The following TPD52 variants were observed in gnomAD, a reference collection of about 807,000 sequenced individuals.
The protein encoded by TPD52 is prostate and colon associated protein.
TPD52 carries 17 observed loss-of-function variants against 31.3 expected under a neutral mutation model. The observed-to-expected ratio is 0.54, with a 90% CI of 0.37 to 0.82. The LOEUF is 0.82. TPD52 is among the 40% of genes least tolerant of loss of function. The probability of loss-of-function intolerance (pLI) is 0.00; values close to 1 mark genes in which losing one functional copy is unlikely to be tolerated. For missense variants in TPD52, 212 were observed against 240.1 expected, an observed-to-expected ratio of 0.88 and a Z score of 0.77; for synonymous variants, 83 against 89.6, an observed-to-expected ratio of 0.93 and a Z score of 0.42.
At chr8:80,119,809 A>G in intron 1 of TPD52, 1 of 391,564 alleles carries the variant, frequency 2.6e-6, no homozygotes, top group South Asian at 1.9e-5. Flanking sequence ...GTATGAAAAT[A>G]CTTACATTTT....
At chr8:80,150,695 T>C (rs2131194642) in intron 1 of TPD52, among the ~76,000 whole-genome samples, 1 of 152,340 alleles carries the variant, frequency 6.6e-6, no homozygotes. Context: ...CGGACTTGCA[T>C]GGAGCCTGTA....
intron 1 of TPD52, among the ~76,000 whole-genome samples, chr8:80,092,875 G>C (rs1232312135): frequency 1.3e-5 from 2 of 151,710 alleles, no homozygotes; most frequent in Admixed American, 1.3e-4. Flanking sequence ...GAGCAGGGGT[G>C]GGGGTAGGAA....
intron 1 of TPD52, among the ~76,000 whole-genome samples, chr8:80,124,302 A>G (rs1431936160): frequency 6.6e-6 from 1 of 152,068 alleles, no homozygotes; most frequent in African/African-American, 2.4e-5. Context: ...AATAGCTGAG[A>G]CTACCAGTGC....
chr8:80,146,420 A>C (rs940541214), intron 1 of TPD52, among the ~76,000 whole-genome samples: 4 of 152,220 alleles, frequency 2.6e-5, no homozygotes, highest in Admixed American at 6.5e-5. Context: ...TCAGTTTATA[A>C]AGGGTCTAGT....
intron 1 of TPD52, among the ~76,000 whole-genome samples, chr8:80,092,980 A>G (rs1363582189): frequency 6.6e-6 from 1 of 152,176 alleles, no homozygotes; most frequent in East Asian, 1.9e-4. Flanking sequence ...AATTATATAC[A>G]TATATTTTGT....
At chr8:80,126,728 C>T (rs1362552856) in intron 1 of TPD52, among the ~76,000 whole-genome samples, 1 of 152,100 alleles carries the variant, frequency 6.6e-6, no homozygotes, top group Non-Finnish European at 1.5e-5. Flanking sequence ...AGTGATCCAC[C>T]CGCCTCAGCC....
At chr8:80,132,820 C>G (rs1371872697) in intron 1 of TPD52, among the ~76,000 whole-genome samples, 1 of 152,136 alleles carries the variant, frequency 6.6e-6, no homozygotes, top group African/African-American at 2.4e-5. Context: ...GAGAAAGAAA[C>G]ATGGGTCTCC....
intron 1 of TPD52, among the ~76,000 whole-genome samples, chr8:80,115,477 C>T (rs549397762): frequency 2.6e-5 from 4 of 152,158 alleles, no homozygotes; most frequent in Non-Finnish European, 4.4e-5. Flanking sequence ...GTCATACAAG[C>T]GGCGGAAAAG....
intron 1 of TPD52, among the ~76,000 whole-genome samples, chr8:80,163,895 C>A (rs1227636252): frequency 6.6e-6 from 1 of 151,784 alleles, no homozygotes; most frequent in Non-Finnish European, 1.5e-5. Context: ...TGGTAAAATT[C>A]TTATTATCAA....
chr8:80,134,459 T>C (rs1223392068), intron 1 of TPD52, among the ~76,000 whole-genome samples: 1 of 152,244 alleles, frequency 6.6e-6, no homozygotes, highest in Non-Finnish European at 1.5e-5. Flanking sequence ...TTAATTATTA[T>C]CTCTGACTTA....
At chr8:80,159,530 C>G (rs1295867106) in intron 1 of TPD52, among the ~76,000 whole-genome samples, 1 of 152,126 alleles carries the variant, frequency 6.6e-6, no homozygotes, top group Non-Finnish European at 1.5e-5. Flanking sequence ...GATCAAAATC[C>G]CAGACCTGTC....
In TPD52 at chr8:80,066,118, C is replaced by T. The variant is rs531132071; in HGVS notation, c.20-1525G>A. Among the ~76,000 whole-genome samples the T allele has an allele frequency of 2.6e-5, 4 of 152,168 alleles. No homozygotes were observed. The East Asian group carries it at 7.7e-4, about 29-fold the overall frequency. On this transcript the variant is annotated intron_variant, in intron 1 of 7. Transcript: ENST00000518937. ...CTGCCCAATGCAAGGCGCCAGGGAG[C>T]AGACACAGAAGAAAAAGGAAGGAGA...
At chr8:80,091,417 C>T (rs1018117131) in intron 1 of TPD52, among the ~76,000 whole-genome samples, 4 of 150,798 alleles carry the variant, frequency 2.7e-5, no homozygotes, top group Admixed American at 6.6e-5. Flanking sequence ...TGCAGTGAGC[C>T]GAGATCGCGC....
At chr8:80,049,630 T>C (rs1356137702) in intron 5 of TPD52, among the ~76,000 whole-genome samples, 2 of 152,154 alleles carry the variant, frequency 1.3e-5, no homozygotes, top group Non-Finnish European at 2.9e-5. Flanking sequence ...TACTATATCA[T>C]CCTTCCTGCT....
chr8:80,170,956 C>T (rs1308489985), intron 1 of TPD52: 6 of 354,116 alleles, frequency 1.7e-5, no homozygotes, highest in African/African-American at 1.1e-4. Context: ...ACCAAAAATC[C>T]TAACCACCTG....
intron 1 of TPD52, among the ~76,000 whole-genome samples, chr8:80,122,336 A>T (rs1375424772): frequency 1.3e-5 from 2 of 152,208 alleles, no homozygotes; most frequent in Non-Finnish European, 2.9e-5. Context: ...CAAGAGACAG[A>T]AGCTGAGCAG....
At chr8:80,165,701 A>G (rs1586432459) in intron 1 of TPD52, among the ~76,000 whole-genome samples, 1 of 152,188 alleles carries the variant, frequency 6.6e-6, no homozygotes, top group Non-Finnish European at 1.5e-5. Flanking sequence ...CTTTTCCACA[A>G]CTGCCACTCT....
chr8:80,077,014 C>T (rs1234322880), intron 1 of TPD52, among the ~76,000 whole-genome samples: 9 of 152,054 alleles, frequency 5.9e-5, no homozygotes, highest in South Asian at 2.1e-4. Context: ...CAGTGGCTCA[C>T]GCCTGTAATC....
At chr8:80,104,215 G>A (rs1180846457) in intron 1 of TPD52, among the ~76,000 whole-genome samples, 1 of 152,196 alleles carries the variant, frequency 6.6e-6, no homozygotes, top group African/African-American at 2.4e-5. Flanking sequence ...CGTCAAGCTA[G>A]ATTTATCCAA....
Sources: gnomAD v4.1 joint callset for allele counts (sites outside exome capture counted in the v4.1 genomes callset) on GRCh38, gnomAD v4.1.1 for gene constraint, MANE v1.5 for transcripts, NCBI Gene and HGNC (gene_info 2026-07-23, HGNC 2026-07-21) for gene names.